WIPI1: variants seen among roughly 807,000 people sequenced by gnomAD.
WIPI1 encodes the protein WD repeat domain phosphoinositide-interacting protein 1.
In WIPI1, 45 loss-of-function variants were observed where a neutral mutation model predicts 55.3. That is an observed-to-expected ratio of 0.81 (90% CI 0.64 to 1.04). WIPI1 has a LOEUF of 1.04. WIPI1 is among the 50% of genes least tolerant of loss of function. The probability of loss-of-function intolerance (pLI) is 0.00; values close to 1 mark genes in which losing one functional copy is unlikely to be tolerated. For missense variants in WIPI1, 445 were observed against 559.0 expected, an observed-to-expected ratio of 0.80 and a Z score of 2.06; for synonymous variants, 195 against 217.6, an observed-to-expected ratio of 0.90 and a Z score of 0.92.
intron 12 of WIPI1, among the ~76,000 whole-genome samples, chr17:68,425,750 C>G (rs1019522398): frequency 2.0e-5 from 3 of 152,110 alleles, no homozygotes; most frequent in Non-Finnish European, 4.4e-5. Flanking sequence ...GTCACGTGTT[C>G]CTACCTTCCA....
At chr17:68,427,359 T>C (rs1025451019) in intron 10 of WIPI1, 106 bp from the exon 11 acceptor site, 4 of 836,308 alleles carry the variant, frequency 4.8e-6, no homozygotes, top group Non-Finnish European at 7.6e-6. Flanking sequence ...GCTCTGTGGG[T>C]TATTTATTTA....
chr17:68,437,573 C>T (rs957508237), intron 4 of WIPI1, among the ~76,000 whole-genome samples: 8 of 151,514 alleles, frequency 5.3e-5, no homozygotes, highest in South Asian at 2.1e-4. Flanking sequence ...AAAAAGAAAC[C>T]GAGCAATTTC....
intron 5 of WIPI1, 25 bp downstream of exon 5, chr17:68,436,357 C>T (rs1387808844): frequency 6.2e-7 from 1 of 1,610,336 alleles, no homozygotes; most frequent in African/African-American, 1.3e-5. Flanking sequence ...GGTGGGTTGG[C>T]TCAGCCAGGT....
At chr17:68,427,020 G>A in intron 11 of WIPI1, 115 bp downstream of exon 11, 1 of 836,144 alleles carries the variant, frequency 1.2e-6, no homozygotes, top group Non-Finnish European at 1.9e-6. Flanking sequence ...GGAAGGGGAG[G>A]GAGGGCACTC....
chr17:68,430,644 C>T (rs895873709), intron 8 of WIPI1, among the ~76,000 whole-genome samples: 2 of 152,168 alleles, frequency 1.3e-5, no homozygotes, highest in Non-Finnish European at 1.5e-5. Context: ...TGTAGATAAC[C>T]CTGGAGTCAC....
intron 4 of WIPI1, among the ~76,000 whole-genome samples, chr17:68,443,062 C>T (rs1300551170): frequency 6.6e-6 from 1 of 152,208 alleles, no homozygotes; most frequent in African/African-American, 2.4e-5. Flanking sequence ...TCACAGAACT[C>T]CCTAACAGCC....
At chr17:68,444,378 A>T (rs2084199314) in intron 4 of WIPI1, 115 bp downstream of exon 4, 13 of 905,690 alleles carry the variant, frequency 1.4e-5, no homozygotes, top group Non-Finnish European at 1.9e-5. Context: ...AAACCTCACT[A>T]AGACTCAAAA....
chr17:68,429,567 G>A (rs753369456), intron 9 of WIPI1, among the ~76,000 whole-genome samples: 22 of 152,040 alleles, frequency 1.4e-4, no homozygotes, highest in African/African-American at 2.7e-4. Context: ...GTTTGATTCC[G>A]CTCACCCTTC....
chr17:68,434,840 G>T (rs2083705602), intron 6 of WIPI1, among the ~76,000 whole-genome samples: 1 of 151,980 alleles, frequency 6.6e-6, no homozygotes, highest in Non-Finnish European at 1.5e-5. Context: ...CCTTCCACCT[G>T]TGCCCAAGGC....
At chr17:68,438,566 G>A (rs1204833634) in intron 4 of WIPI1, among the ~76,000 whole-genome samples, 2 of 152,200 alleles carry the variant, frequency 1.3e-5, no homozygotes, top group African/African-American at 4.8e-5. Context: ...CCTTACAAAT[G>A]CAGTGTGTAA....
chr17:68,421,669 C>A lies in WIPI1; in HGVS notation c.*104G>T. ...GCAGTGGAGCACCCGGGATTCCTGC[C>A]CCCCTTTCTGCTCACACAATTGCAC... On this transcript the variant is annotated 3_prime_UTR_variant, in exon 13 of 13. Transcript: ENST00000262139. 2 of 1,521,930 alleles carry A rather than the reference C, an allele frequency of 1.3e-6. No homozygotes were observed. 94.3% of individuals were successfully genotyped at this position (1,521,930 alleles called of 1,614,324 possible). A position where few individuals can be genotyped will look rare whatever the true frequency, so the allele number is the denominator to read the frequency against.
At chr17:68,432,773 GT>G (rs2083587094) in intron 8 of WIPI1, among the ~76,000 whole-genome samples, 1 of 152,140 alleles carries the variant, frequency 6.6e-6, no homozygotes, top group Admixed American at 6.5e-5. Flanking sequence ...TTGGGGTAAC[GT>G]TTTCAAAGCG....
chr17:68,430,175 A>T lies in WIPI1; in HGVS notation c.801-15T>A. On this transcript the variant is annotated splice_polypyrimidine_tract_variant and intron_variant, in intron 8 of 12. Transcript: ENST00000262139. ...CTTCTGGTCGACTAGGGAGTAATGC[A>T]CAGGCAACGATGGGACTGGGCTGCA... is the stretch of plus-strand genomic sequence containing the variant. 6.2e-7 allele frequency: 1 copy of T among 1,606,268 alleles called. No homozygotes were observed. The highest frequency in any genetic ancestry group is 1.7e-5 in the Admixed American group (1 of 58,684).
At chr17:68,452,697 G>T (rs948606827) in intron 2 of WIPI1, among the ~76,000 whole-genome samples, 6 of 152,186 alleles carry the variant, frequency 3.9e-5, no homozygotes, top group African/African-American at 1.4e-4. Flanking sequence ...TCTATAAAAA[G>T]AAAATGTTAC....
chr17:68,427,033 C>G, intron 11 of WIPI1, 102 bp downstream of exon 11: 1 of 970,008 alleles, frequency 1.0e-6, no homozygotes, highest in East Asian at 2.4e-5. Flanking sequence ...GGGCACTCCA[C>G]CCCCAGGTAA....
At chr17:68,426,254 G>GGGGCCCCCCCC in intron 11 of WIPI1, 79 bp from the exon 12 acceptor site, 3 of 816,902 alleles carry the variant, frequency 3.7e-6, no homozygotes, top group East Asian at 3.5e-5. Context: ...GGGAGCGGGG[G>GGGGCCCCCCCC]CTCAAATAAA....
intron 10 of WIPI1, among the ~76,000 whole-genome samples, chr17:68,427,882 T>A (rs1192738028): frequency 1.3e-5 from 2 of 151,964 alleles, no homozygotes; most frequent in East Asian, 3.9e-4. Context: ...GCATGAGTGC[T>A]TTTCTTTTGT....
At chr17:68,444,338 T>A (rs2084198090) in intron 4 of WIPI1, among the ~76,000 whole-genome samples, 155 bp downstream of exon 4, 1 of 152,200 alleles carries the variant, frequency 6.6e-6, no homozygotes, top group South Asian at 2.1e-4. Context: ...ATAATTTGAA[T>A]CTGCCGCCAT....
intron 4 of WIPI1, among the ~76,000 whole-genome samples, chr17:68,438,105 A>G (rs1233482687): frequency 6.6e-6 from 1 of 152,206 alleles, no homozygotes; most frequent in African/African-American, 2.4e-5. Context: ...AAAGAAAGTA[A>G]ACATTTAGAG....
Sources: gnomAD v4.1 joint callset for allele counts (sites outside exome capture counted in the v4.1 genomes callset) on GRCh38, gnomAD v4.1.1 for gene constraint, MANE v1.5 for transcripts, NCBI Gene and HGNC (gene_info 2026-07-23, HGNC 2026-07-21) for gene names.